Variants in DPP8 observed in about 807,000 individuals in gnomAD.
The protein encoded by DPP8 is dipeptidyl peptidase 8.
Under a neutral mutation model 107.5 loss-of-function variants are expected in DPP8, and 31 were observed. The observed-to-expected ratio is 0.29, with a 90% CI of 0.22 to 0.39. The LOEUF (loss-of-function observed/expected upper bound fraction) is 0.39, where lower values mean the gene tolerates loss of function less well. Among genes scored for constraint, DPP8 ranks in the 10% least tolerant of loss-of-function variants. DPP8 has a pLI of 1.00. For synonymous variants in DPP8, 381 were observed against 356.6 expected, an observed-to-expected ratio of 1.07 and a Z score of -0.77; for missense variants, 842 against 1,076.1, an observed-to-expected ratio of 0.78 and a Z score of 3.04.
intron 1 of DPP8, chr15:65,515,801 A>G (rs1353188326): frequency 3.0e-6 from 3 of 1,013,628 alleles, no homozygotes; most frequent in Non-Finnish European, 4.4e-6. Flanking sequence ...CCTGCTCACC[A>G]GGATAATGAA....
chr15:65,516,878 A>C (rs1480931309), intron 1 of DPP8: 1 of 152,396 alleles, frequency 6.6e-6, no homozygotes, highest in Non-Finnish European at 1.5e-5. Context: ...CATAGCAGAG[A>C]ATATTGAGAA....
At position 65,449,265 on chromosome 15, in the gene DPP8, T is replaced by C. The variant is rs371393514; in HGVS notation, c.2526+1734A>G. Among the ~76,000 whole-genome samples the C allele has an allele frequency of 9.6e-5, 14 of 146,074 alleles. 1 individual carries two copies. The highest frequency in any genetic ancestry group is 6.2e-4 in the Admixed American group (9 of 14,540). On this transcript the variant is annotated intron_variant, in intron 19 of 19. Coordinates refer to ENST00000300141, the MANE Select transcript of DPP8 (RefSeq NM_130434.5). ...TATATATATAATTTAAAAATATATA[T>C]ATAATAAAAAGTATATATAATATAT...
intron 4 of DPP8, among the ~76,000 whole-genome samples, chr15:65,498,887 C>G (rs1200742973): frequency 2.0e-5 from 3 of 151,752 alleles, no homozygotes; most frequent in African/African-American, 7.3e-5. Context: ...ACCCTCACCT[C>G]TAAAAAAAAT....
chr15:65,493,612 A>G (rs74021112), intron 5 of DPP8, among the ~76,000 whole-genome samples: 3 of 152,294 alleles, frequency 2.0e-5, no homozygotes, highest in Admixed American at 1.3e-4. Context: ...CTCAGTTTTC[A>G]AAGTGTTTTG....
At position 65,459,725 on chromosome 15, in the gene DPP8, T is replaced by G. The variant is rs375414761; in HGVS notation, c.1972-3354A>C. On this transcript the variant is annotated intron_variant, in intron 15 of 19. Coordinates refer to ENST00000300141, the MANE Select transcript of DPP8 (RefSeq NM_130434.5). The stretch of plus-strand genomic sequence containing the variant: ...ATCCCAGCACTTTGGGAGGCCGAGG[T>G]GGGTAGATCACCTGAGGTCAGGAGT... Among the ~76,000 whole-genome samples, 40 of 152,040 alleles carry G rather than the reference T, an allele frequency of 2.6e-4. No individual in the cohort carries two copies. In the East Asian group the frequency reaches 5.3e-3, roughly 20 times the overall value.
chr15:65,514,853 A>G (rs1241740029), intron 1 of DPP8, among the ~76,000 whole-genome samples: 1 of 152,162 alleles, frequency 6.6e-6, no homozygotes, highest in Non-Finnish European at 1.5e-5. Flanking sequence ...GACAAATGAG[A>G]AAAGAACCTA....
rs79850693 is a variant in DPP8 at position 65,464,641 on chromosome 15, G to A, written c.1826-735C>T. Among the ~76,000 whole-genome samples the A allele has an allele frequency of 3.1e-3, 466 of 152,216 alleles. 1 individual carries two copies. The highest frequency in any genetic ancestry group is 0.011 in the African/African-American group (449 of 41,544). On this transcript the variant is annotated intron_variant, in intron 14 of 19. Transcript: ENST00000300141. ...GAGGCTACATTGAGCTGTGCCCTGTGACTGCGCCACTGCACTCCAGCCTGA... is the reference window on the plus strand; with the variant it reads ...GAGGCTACATTGAGCTGTGCCCTGTAACTGCGCCACTGCACTCCAGCCTGA...
chr15:65,455,225 G>A lies in DPP8; in HGVS notation c.2119-810C>T, dbSNP rs192192512. Among the ~76,000 whole-genome samples the A allele has an allele frequency of 5.3e-5, 8 of 152,030 alleles. No homozygotes were observed. In the East Asian group the frequency reaches 7.8e-4, roughly 15 times the overall value. On this transcript the variant is annotated intron_variant, in intron 16 of 19. Coordinates refer to ENST00000300141, the MANE Select transcript of DPP8 (RefSeq NM_130434.5). ...AGGGATCACTGTAGCTCAACCTCCC[G>A]GGCTCAAGTTATCCTCCCACCTCAA...
At chr15:65,495,590 G>A (rs545024640) in intron 5 of DPP8, among the ~76,000 whole-genome samples, 48 of 146,672 alleles carry the variant, frequency 3.3e-4, no homozygotes, top group Non-Finnish European at 6.3e-4. Context: ...GCAATAGAGC[G>A]AGACTTTGTT....
chr15:65,487,928 A>G, intron 6 of DPP8, 110 bp from the exon 7 acceptor site: 1 of 749,610 alleles, frequency 1.3e-6, no homozygotes, highest in Non-Finnish European at 2.1e-6. Context: ...TAACTTATGT[A>G]TAAAATATGC....
chr15:65,514,756 C>G (rs1316674137), intron 1 of DPP8, among the ~76,000 whole-genome samples: 2 of 152,162 alleles, frequency 1.3e-5, no homozygotes, highest in African/African-American at 4.8e-5. Flanking sequence ...ATGATCCACC[C>G]GCCTTGGCCT....
intron 1 of DPP8, chr15:65,512,798 AT>A: frequency 3.9e-6 from 2 of 508,142 alleles, no homozygotes; most frequent in Non-Finnish European, 6.9e-6. Flanking sequence ...GTGCCTATAA[AT>A]CCCTTTGGTA....
chr15:65,510,841 A>T (rs1219810785), intron 2 of DPP8, among the ~76,000 whole-genome samples: 1 of 152,176 alleles, frequency 6.6e-6, no homozygotes, highest in African/African-American at 2.4e-5. Context: ...GCCCAGCCAC[A>T]AACGGCTTTT....
chr15:65,485,101 T>G lies in DPP8; in HGVS notation c.1015A>C (p.Arg339=). ...MSEIMIDAEG[R]IIDVIDKELI... is the part of the protein sequence containing the mutation. ...TCAACTCAGCATTTTATACTTACCC[T>G]TCCTTCAGCATCAATCATTATTTCT... Residue 339 remains arginine, a splice_region_variant and synonymous_variant, in exon 8 of 20, where the codon AGG becomes CGG. Transcript: ENST00000300141. 6.2e-7 allele frequency: 1 copy of G among 1,608,368 alleles called. No individual in the cohort carries two copies. Among genetic ancestry groups the G allele is most frequent in the Non-Finnish European group, 8.5e-7 (1 of 1,174,760 alleles).
chr15:65,476,841 C>A (rs1443194854), intron 11 of DPP8, among the ~76,000 whole-genome samples: 1 of 152,074 alleles, frequency 6.6e-6, no homozygotes, highest in Non-Finnish European at 1.5e-5. Context: ...TATATACATA[C>A]AACGAAACCT....
chr15:65,494,644 T>C (rs1341042592), intron 5 of DPP8, among the ~76,000 whole-genome samples: 2 of 4,378 alleles, frequency 4.6e-4, no homozygotes, highest in African/African-American at 1.1e-3. Flanking sequence ...CTCAAAAAAA[T>C]TGAAAAAAAA....
chr15:65,496,649 GAA>G (rs551747077), intron 5 of DPP8, among the ~76,000 whole-genome samples: 67 of 152,022 alleles, frequency 4.4e-4, no homozygotes, highest in African/African-American at 1.6e-3. Context: ...CTCCAAAACT[GAA>G]AGATAATTTT....
chr15:65,481,977 T>C (rs944939253), intron 8 of DPP8, among the ~76,000 whole-genome samples: 1 of 151,632 alleles, frequency 6.6e-6, no homozygotes. Context: ...AATATATATA[T>C]ATATATACAC....
chr15:65,510,622 T>A (rs2070649107), intron 2 of DPP8, among the ~76,000 whole-genome samples: 1 of 152,024 alleles, frequency 6.6e-6, no homozygotes, highest in Non-Finnish European at 1.5e-5. Flanking sequence ...CACTGCAACC[T>A]CCACCTCCCA....
Sources: allele counts gnomAD v4.1 joint callset (sites outside exome capture counted in the v4.1 genomes callset), GRCh38; gene constraint gnomAD v4.1.1; transcripts MANE v1.5; gene names NCBI Gene and HGNC (gene_info 2026-07-23, HGNC 2026-07-21).